ACSF3: variants seen among roughly 807,000 people sequenced by gnomAD.
ACSF3 encodes the protein malonate--CoA ligase ACSF3, mitochondrial.
A neutral mutation model predicts 53.2 loss-of-function variants in ACSF3; 78 were observed. The observed-to-expected ratio is 1.47, with a 90% CI of 1.22 to 1.77. The LOEUF is 1.77. ACSF3 is among the 40% of genes most tolerant of loss of function. ACSF3 has a pLI of 0.00. For synonymous variants in ACSF3, 414 were observed against 333.1 expected (o/e 1.24, Z -2.65); for missense variants, 937 against 771.1 (o/e 1.22, Z -2.55).
chr16:89,101,378 G>T, intron 3 of ACSF3, 31 bp downstream of exon 3: 2 of 1,557,300 alleles, frequency 1.3e-6, no homozygotes, highest in South Asian at 1.2e-5. Flanking sequence ...TGATGGTTTC[G>T]GTGACCGCAC....
intron 6 of ACSF3, among the ~76,000 whole-genome samples, chr16:89,117,970 A>G (rs59890532): frequency 0.14 from 3,189 of 23,090 alleles, 1 homozygote; most frequent in Non-Finnish European, 0.17. Context: ...CTCAGGCGCC[A>G]AGGACATTCC....
intron 10 of ACSF3, 136 bp from the exon 11 acceptor site, chr16:89,153,954 C>T (rs1914423281): frequency 4.7e-6 from 4 of 854,784 alleles, no homozygotes; most frequent in Non-Finnish European, 5.6e-6. Flanking sequence ...GGTGCACCTG[C>T]CTGGCCTCAG....
intron 8 of ACSF3, among the ~76,000 whole-genome samples, chr16:89,136,313 A>G (rs1409180756): frequency 6.6e-6 from 1 of 152,190 alleles, no homozygotes; most frequent in African/African-American, 2.4e-5. Context: ...TTAGTAGAAA[A>G]TGATTTTGAA....
chr16:89,133,550 G>A (rs374826006), intron 8 of ACSF3, among the ~76,000 whole-genome samples: 2 of 152,294 alleles, frequency 1.3e-5, no homozygotes, highest in East Asian at 1.9e-4. Flanking sequence ...AGCCGCTCCG[G>A]CACGCACGCA....
At chr16:89,105,743 G>A (rs1387551541) in intron 4 of ACSF3, among the ~76,000 whole-genome samples, 1 of 152,226 alleles carries the variant, frequency 6.6e-6, no homozygotes, top group Non-Finnish European at 1.5e-5. Flanking sequence ...GGCCATTGTC[G>A]TGGACCGTGC....
chr16:89,135,295 G>C (rs549282797), intron 8 of ACSF3, among the ~76,000 whole-genome samples: 7 of 152,384 alleles, frequency 4.6e-5, no homozygotes, highest in African/African-American at 1.4e-4. Flanking sequence ...GCTGGAAGGG[G>C]CAATGTTGGC....
At chr16:89,114,710 G>A (rs1904773289) in intron 6 of ACSF3, 6 of 658,934 alleles carry the variant, frequency 9.1e-6, no homozygotes, top group Admixed American at 8.9e-5. Context: ...TGGGGGAGGT[G>A]TCTGTGCTGG....
chr16:89,125,698 A>G (rs72817482), intron 7 of ACSF3, among the ~76,000 whole-genome samples: 27,230 of 147,912 alleles, frequency 0.18, 2,605 homozygotes, highest in African/African-American at 0.25. Flanking sequence ...CAAAAAAAAA[A>G]AGAGAGAGAG....
chr16:89,098,826 T>C, intron 2 of ACSF3, 63 bp downstream of exon 2: 1 of 453,778 alleles, frequency 2.2e-6, no homozygotes, highest in Non-Finnish European at 4.4e-6. Flanking sequence ...CTTGTTTGTT[T>C]ACTGAACAGA....
At position 89,100,989 on chromosome 16, in the gene ACSF3, C is replaced by G; in HGVS notation, c.308C>G (p.Ala103Gly). The G allele has an allele frequency of 1.2e-6, 2 of 1,613,506 alleles. No individual in the cohort carries two copies. The highest frequency in any genetic ancestry group is 1.7e-6 in the Non-Finnish European group (2 of 1,179,726). The change falls in exon 3 of 11, where the codon GCT (alanine) becomes GGT (glycine). Residue 103 changes from alanine to glycine, a missense_variant. Transcript: ENST00000614302. ...LREERVSFLCANDASYVVAQW... is the reference protein window; with the variant it reads ...LREERVSFLCGNDASYVVAQW... ...GAGGAGAGGGTCTCCTTCCTATGCG[C>G]TAACGATGCCTCCTACGTCGTGGCC...
At chr16:89,118,032 T>A (rs904212508) in intron 6 of ACSF3, among the ~76,000 whole-genome samples, 1 of 148,328 alleles carries the variant, frequency 6.7e-6, no homozygotes, top group African/African-American at 2.5e-5. Flanking sequence ...CCAGGGACGT[T>A]CCCTCTTCTC....
At chr16:89,136,681 G>A (rs1029741398) in intron 8 of ACSF3, 59 of 1,287,054 alleles carry the variant, frequency 4.6e-5, no homozygotes, top group South Asian at 7.4e-5. Flanking sequence ...AGGATGAGAG[G>A]AGAGGTTGCC....
rs1371229048 is a variant in ACSF3 at position 89,154,527 on chromosome 16, G to A, written c.*320G>A. On this transcript the variant is annotated 3_prime_UTR_variant, in exon 11 of 11. Transcript: ENST00000614302. ...CCCCACAGTGCCCTGCAGTTGCCAG[G>A]CTCTCCAGGGCAGGTCCCAGAGGTT... The A allele has an allele frequency of 3.8e-6, 2 of 529,174 alleles. No individual in the cohort carries two copies. The highest frequency in any genetic ancestry group is 2.2e-5 in the Admixed American group (1 of 44,478). The allele number at this position is 529,174 out of a possible 1,614,324, so 32.8% of individuals were successfully genotyped here. A position where few individuals can be genotyped will look rare whatever the true frequency, so the allele number is the denominator to read the frequency against.
chr16:89,114,571 C>G, intron 6 of ACSF3, 84 bp downstream of exon 6: 5 of 1,583,538 alleles, frequency 3.2e-6, no homozygotes, highest in Admixed American at 1.7e-5. Flanking sequence ...CACCCACATT[C>G]GGACTGAAGG....
chr16:89,117,952 T>G (rs76323587), intron 6 of ACSF3, among the ~76,000 whole-genome samples: 1 of 27,984 alleles, frequency 3.6e-5, no homozygotes, highest in Non-Finnish European at 9.5e-5. Context: ...GAGCCCACAG[T>G]AGGTTCCCTC....
chr16:89,139,457 C>G (rs924578962), intron 8 of ACSF3, among the ~76,000 whole-genome samples: 1 of 152,086 alleles, frequency 6.6e-6, no homozygotes, highest in Non-Finnish European at 1.5e-5. Context: ...TGCCCTCAGC[C>G]TTGCTTGTCG....
chr16:89,155,346 C>G lies in ACSF3; in HGVS notation c.*1139C>G, dbSNP rs1422524596. 1 of 451,674 alleles carries G rather than the reference C, an allele frequency of 2.2e-6. No homozygotes were observed. Among genetic ancestry groups the G allele is most frequent in the Non-Finnish European group, 4.4e-6 (1 of 224,844 alleles). 28.0% of individuals were successfully genotyped at this position (451,674 alleles called of 1,614,324 possible). ...GCCGGGCAGGAGGCCAGCCCCATCT[C>G]AGGCTCACGTGCCTCTGACAGGAGA... is the stretch of plus-strand genomic sequence containing the variant. On this transcript the variant is annotated 3_prime_UTR_variant, in exon 11 of 11. Coordinates refer to ENST00000614302, the MANE Select transcript of ACSF3 (RefSeq NM_001243279.3).
chr16:89,145,416 T>C lies in ACSF3; in HGVS notation c.1501+15T>C. ...CAGCATCACAGGTGCGTGGCCGGAC[T>C]TGGGCCAGGGAGGCCAGGCTAGACG... On this transcript the variant is annotated intron_variant, in intron 9 of 10. Coordinates refer to ENST00000614302, the MANE Select transcript of ACSF3 (RefSeq NM_001243279.3). The C allele has an allele frequency of 6.2e-7, 1 of 1,613,884 alleles. No individual in the cohort carries two copies. Among genetic ancestry groups the C allele is most frequent in the Non-Finnish European group, 8.5e-7 (1 of 1,179,996 alleles).
intron 1 of ACSF3, among the ~76,000 whole-genome samples, chr16:89,095,599 TG>T (rs1211620377): frequency 2.5e-4 from 2 of 8,072 alleles, no homozygotes; most frequent in South Asian, 2.1e-3. Flanking sequence ...ACACAAGGTC[TG>T]GGGGGGCGGG....
Sources: allele counts gnomAD v4.1 joint callset (sites outside exome capture counted in the v4.1 genomes callset), GRCh38; gene constraint gnomAD v4.1.1; transcripts MANE v1.5; gene names NCBI Gene and HGNC (gene_info 2026-07-23, HGNC 2026-07-21).